The following VPS13A variants were observed in gnomAD, a reference collection of about 807,000 sequenced individuals.
VPS13A encodes intermembrane lipid transfer protein VPS13A.
VPS13A carries 264 observed loss-of-function variants against 390.9 expected under a neutral mutation model. The ratio of observed to expected loss-of-function variants is 0.68; its 90% CI spans 0.61 to 0.75. The LOEUF is 0.75. Ranked by LOEUF, VPS13A falls within the 30% of genes least tolerant of loss-of-function variation. The pLI is 0.00. For synonymous variants in VPS13A, 1,231 were observed against 1,227.1 expected, an observed-to-expected ratio of 1.00 and a Z score of -0.07; for missense variants, 3,409 against 3,733.9, an observed-to-expected ratio of 0.91 and a Z score of 2.27.
At chr9:77,256,006 C>A (rs1288878218) in intron 22 of VPS13A, among the ~76,000 whole-genome samples, 1 of 151,438 alleles carries the variant, frequency 6.6e-6, no homozygotes, top group African/African-American at 2.4e-5. Context: ...CTGCTTTCAT[C>A]TTTGTTATTT....
chr9:77,393,913 C>A (rs1166241266), intron 68 of VPS13A, among the ~76,000 whole-genome samples: 1 of 151,982 alleles, frequency 6.6e-6, no homozygotes, highest in South Asian at 2.1e-4. Flanking sequence ...GGATTACAGG[C>A]GCCTGCCACA....
intron 10 of VPS13A, among the ~76,000 whole-genome samples, chr9:77,216,074 T>A (rs1461433497): frequency 1.3e-5 from 2 of 152,202 alleles, no homozygotes. Flanking sequence ...GTCTATTGAA[T>A]GAACATACTG....
Position 77,250,090 on chromosome 9 carries a change from C to G in VPS13A, c.2038-7C>G. The G allele has an allele frequency of 6.2e-7, 1 of 1,613,368 alleles. No individual in the cohort carries two copies. Among genetic ancestry groups the G allele is most frequent in the Non-Finnish European group, 8.5e-7 (1 of 1,179,704 alleles). On this transcript the variant is annotated splice_polypyrimidine_tract_variant and splice_region_variant and intron_variant, in intron 20 of 71. Coordinates refer to ENST00000360280, the MANE Select transcript of VPS13A (RefSeq NM_033305.3). Reference sequence around the variant, plus strand: ...GCATAGTCTAAACTATTAAAATTAACTTGAAGGTGACGAGTAAAAGTCGTT... The same window carrying G: ...GCATAGTCTAAACTATTAAAATTAAGTTGAAGGTGACGAGTAAAAGTCGTT...
intron 24 of VPS13A, among the ~76,000 whole-genome samples, chr9:77,273,678 G>A (rs1826482137): frequency 6.6e-6 from 1 of 152,138 alleles, no homozygotes; most frequent in Non-Finnish European, 1.5e-5. Flanking sequence ...CAGGGATAGG[G>A]GTTGCTGGGG....
chr9:77,243,900 TG>T (rs2131250211), intron 19 of VPS13A, among the ~76,000 whole-genome samples: 1 of 152,310 alleles, frequency 6.6e-6, no homozygotes, highest in South Asian at 2.1e-4. Context: ...AATTATTAAC[TG>T]TAATGAGGGA....
chr9:77,337,431 T>C lies in VPS13A; in HGVS notation c.6272T>C (p.Leu2091Pro), dbSNP rs373904231. 5 of 1,612,460 alleles carry C rather than the reference T, an allele frequency of 3.1e-6. No homozygotes were observed. Among genetic ancestry groups the C allele is most frequent in the Non-Finnish European group, 4.2e-6 (5 of 1,178,724 alleles). The change falls in exon 47 of 72, where the codon CTA becomes CCA. Residue 2091 changes from leucine to proline, a missense_variant. Physicochemically the swap from Leu to Pro is moderately conservative, Grantham distance 98. Around this residue, in one of 5 missense-constraint regions of VPS13A, gnomAD observed 2,717 missense variants for 2,917.4 expected, o/e 0.93. Coordinates refer to ENST00000360280, the MANE Select transcript of VPS13A (RefSeq NM_033305.3). ...CCAGAAAAAGATAATTTAACATCTC[T>C]ATCAGTGTATTCAGAAGATGGTTGG... ...IVPEKDNLTS[L>P]SVYSEDGWDL...
At chr9:77,285,431 A>C in intron 31 of VPS13A, among the ~76,000 whole-genome samples, 1 of 152,218 alleles carries the variant, frequency 6.6e-6, no homozygotes, top group Admixed American at 6.5e-5. Flanking sequence ...GCCATAAGGT[A>C]AAAAGGATTC....
At chr9:77,304,403 C>G (rs1828591393) in intron 34 of VPS13A, among the ~76,000 whole-genome samples, 1 of 152,104 alleles carries the variant, frequency 6.6e-6, no homozygotes, top group Non-Finnish European at 1.5e-5. Flanking sequence ...TATGTCTTCC[C>G]TTTCTACATA....
At chr9:77,360,384 A>T in intron 58 of VPS13A, 152 bp from the exon 59 acceptor site, 1 of 601,790 alleles carries the variant, frequency 1.7e-6, no homozygotes, top group Non-Finnish European at 2.9e-6. Flanking sequence ...GCTGTTATTA[A>T]CAGTGTTCCA....
At chr9:77,389,888 C>T (rs557781934) in intron 68 of VPS13A, 7 of 155,544 alleles carry the variant, frequency 4.5e-5, no homozygotes, top group African/African-American at 7.2e-5. Flanking sequence ...CTATAACTGC[C>T]GTCATGTAAG....
In VPS13A at chr9:77,221,308, A is replaced by C. The variant is rs200323587; in HGVS notation, c.1113A>C (p.Lys371Asn). ...KVKQYKELYK[K>N]KLTSKKPPGE... is the part of the protein sequence containing the mutation. ...AGCAATATAAAGAACTGTATAAAAA[A>C]AAGTTAACAAGTAAGAAGCCACCTG... Residue 371 changes from lysine to asparagine, a missense_variant, in exon 13 of 72, where the codon AAA becomes AAC. Physicochemically the swap from Lys to Asn is moderately conservative, Grantham distance 94. Transcript: ENST00000360280. 6.2e-7 allele frequency: 1 copy of C among 1,613,464 alleles called. No homozygotes were observed. Among genetic ancestry groups the C allele is most frequent in the East Asian group, 2.2e-5 (1 of 44,838 alleles).
chr9:77,364,154 G>A (rs756856754), intron 59 of VPS13A, among the ~76,000 whole-genome samples: 73 of 152,102 alleles, frequency 4.8e-4, no homozygotes, highest in Non-Finnish European at 2.1e-4. Context: ...TGCCAAGTAC[G>A]GTGGCTCACG....
intron 71 of VPS13A, among the ~76,000 whole-genome samples, chr9:77,410,468 G>A (rs1357864441): frequency 6.6e-6 from 1 of 152,100 alleles, no homozygotes; most frequent in Non-Finnish European, 1.5e-5. Flanking sequence ...ATGTAAATGG[G>A]CTAAATATTC....
chr9:77,353,346 A>G, intron 53 of VPS13A, 63 bp from the exon 54 acceptor site: 1 of 1,287,950 alleles, frequency 7.8e-7, no homozygotes, highest in Non-Finnish European at 1.1e-6. Context: ...TCTAAATTTC[A>G]TGTTCTTTGG....
At chr9:77,198,974 T>C (rs1825167838) in intron 1 of VPS13A, among the ~76,000 whole-genome samples, 1 of 152,164 alleles carries the variant, frequency 6.6e-6, no homozygotes, top group South Asian at 2.1e-4. Context: ...GGATCCTGTT[T>C]ATTTTAATCC....
At chr9:77,212,263 A>C (rs997834708) in intron 7 of VPS13A, among the ~76,000 whole-genome samples, 11 of 152,052 alleles carry the variant, frequency 7.2e-5, no homozygotes, top group Admixed American at 7.2e-4. Flanking sequence ...ACCTGGTTTT[A>C]CTTTTTTTCT....
chr9:77,369,268 GAATT>G (rs1353968043), intron 62 of VPS13A, 27 bp from the exon 63 acceptor site: 3 of 1,490,488 alleles, frequency 2.0e-6, no homozygotes, highest in Non-Finnish European at 2.8e-6. Flanking sequence ...CTAATTATCT[GAATT>G]GATTAATGTT....
chr9:77,383,481 G>A (rs1403230262), intron 68 of VPS13A, among the ~76,000 whole-genome samples: 2 of 151,946 alleles, frequency 1.3e-5, no homozygotes, highest in Non-Finnish European at 2.9e-5. Flanking sequence ...TCCCTTGTTA[G>A]AACGCATTTA....
chr9:77,403,193 A>ATTGC (rs777299164), intron 68 of VPS13A, 43 bp from the exon 69 acceptor site: 2 of 1,446,038 alleles, frequency 1.4e-6, no homozygotes. Context: ...TACAGTAGGA[A>ATTGC]ATACTATCAA....
Sources: allele counts gnomAD v4.1 joint callset (sites outside exome capture counted in the v4.1 genomes callset), GRCh38; gene constraint gnomAD v4.1.1; regional missense constraint gnomAD v4.1.1; transcripts MANE v1.5; gene names NCBI Gene and HGNC (gene_info 2026-07-23, HGNC 2026-07-21).